Variants in APOL3 observed in about 807,000 individuals in gnomAD.
APOL3 encodes the protein TNF-inducible protein CG12-1.
A neutral mutation model predicts 11.6 loss-of-function variants in APOL3; 14 were observed. The ratio of observed to expected loss-of-function variants is 1.21; its 90% CI spans 0.80 to 1.89. The LOEUF (loss-of-function observed/expected upper bound fraction) is 1.89, where lower values mean the gene tolerates loss of function less well. Among genes scored for constraint, APOL3 ranks in the 40% most tolerant of loss-of-function variants. The probability of loss-of-function intolerance (pLI) is 0.00; values close to 1 mark genes in which losing one functional copy is unlikely to be tolerated. For missense variants in APOL3, 483 were observed against 492.1 expected (o/e 0.98, Z 0.17); for synonymous variants, 192 against 190.6 (o/e 1.01, Z -0.06).
upstream of APOL3, chr22:36,164,543 C>A (rs2013811595): frequency 6.6e-6 from 1 of 152,184 alleles, no homozygotes; most frequent in Admixed American, 6.5e-5. Context: ...CTATTTTCCA[C>A]CCAATTATGT....
chr22:36,153,393 C>T (rs2146847889), intron 1 of APOL3: 1 of 456,210 alleles, frequency 2.2e-6, no homozygotes, highest in South Asian at 1.5e-5. Flanking sequence ...ATGTCAGCTT[C>T]AGAGAAACCT....
intron 1 of APOL3, among the ~76,000 whole-genome samples, chr22:36,158,674 C>T (rs1453945948): frequency 5.3e-5 from 8 of 152,104 alleles, no homozygotes; most frequent in African/African-American, 1.9e-4. Context: ...TAAAAATTAG[C>T]CGGGCGTGGT....
At chr22:36,144,634 A>G (rs1346491303) in intron 2 of APOL3, among the ~76,000 whole-genome samples, 1 of 152,204 alleles carries the variant, frequency 6.6e-6, no homozygotes, top group African/African-American at 2.4e-5. Flanking sequence ...GGCCCCGGAC[A>G]GCATCTCCAG....
At chr22:36,143,817 G>A (rs1293321621) in intron 2 of APOL3, among the ~76,000 whole-genome samples, 2 of 152,212 alleles carry the variant, frequency 1.3e-5, no homozygotes, top group Non-Finnish European at 2.9e-5. Context: ...AATGCCATGT[G>A]CAATTTCATG....
At chr22:36,143,554 T>C (rs1291913763) in intron 2 of APOL3, among the ~76,000 whole-genome samples, 1 of 152,214 alleles carries the variant, frequency 6.6e-6, no homozygotes, top group Non-Finnish European at 1.5e-5. Flanking sequence ...CTGGAAGAGA[T>C]CACCTTGCCT....
intron 1 of APOL3, chr22:36,154,495 G>C: frequency 2.4e-6 from 1 of 409,240 alleles, no homozygotes; most frequent in South Asian, 1.9e-5. Flanking sequence ...TTAACAAGAA[G>C]AGCATCTTAA....
At chr22:36,148,583 A>C (rs968986763) in intron 1 of APOL3, among the ~76,000 whole-genome samples, 1 of 152,160 alleles carries the variant, frequency 6.6e-6, no homozygotes, top group African/African-American at 2.4e-5. Context: ...CTCAGAGCAG[A>C]GGGGCTGGTG....
intron 1 of APOL3, chr22:36,149,387 G>A: frequency 7.7e-7 from 1 of 1,306,006 alleles, no homozygotes. Context: ...GGGGTATGAA[G>A]AGAAGATAAT....
At chr22:36,147,437 G>T (rs942180644) in intron 1 of APOL3, among the ~76,000 whole-genome samples, 1 of 152,178 alleles carries the variant, frequency 6.6e-6, no homozygotes, top group Non-Finnish European at 1.5e-5. Context: ...TCTTGTTTCG[G>T]AGAGAGAGTT....
intron 1 of APOL3, chr22:36,154,623 A>G (rs1307589426): frequency 4.2e-6 from 2 of 471,126 alleles, no homozygotes; most frequent in Non-Finnish European, 8.8e-6. Flanking sequence ...GGGCTGTGTT[A>G]TTCTCCTATG....
In APOL3 at chr22:36,140,599, C is replaced by T. The variant is rs777187569; in HGVS notation, c.*601G>A. 8.4e-4 allele frequency: 128 copies of T among 152,892 alleles called. 1 individual carries two copies. The highest frequency in any genetic ancestry group is 1.7e-3 in the Non-Finnish European group (120 of 68,688). The allele number at this position is 152,892 out of a possible 1,614,324, so 9.5% of individuals were successfully genotyped here. A position where few individuals can be genotyped will look rare whatever the true frequency, so the allele number is the denominator to read the frequency against. ...GGGTTCAAGCAGGGGACATATACCC[C>T]TAAATAACCTAAAGGGGATCCATCA... On this transcript the variant is annotated 3_prime_UTR_variant, in exon 3 of 3. Transcript: ENST00000349314.
chr22:36,144,266 C>T (rs553653177), intron 2 of APOL3, among the ~76,000 whole-genome samples: 2 of 152,270 alleles, frequency 1.3e-5, no homozygotes, highest in South Asian at 4.2e-4. Flanking sequence ...CCTTGGTGCC[C>T]GAGCCTTCCT....
chr22:36,160,531 C>T (rs766181464), intron 1 of APOL3, 138 bp downstream of exon 1: 2 of 867,624 alleles, frequency 2.3e-6, no homozygotes, highest in African/African-American at 1.7e-5. Context: ...CAAATTCAGG[C>T]TCTGCCATGG....
At chr22:36,145,529 G>A in exon 2 of APOL3, 1 of 1,614,182 alleles carries the variant, frequency 6.2e-7, no homozygotes, top group Non-Finnish European at 8.5e-7. Flanking sequence ...TAGTCAGCAG[G>A]ATTTGCAGAT....
chr22:36,160,313 C>T (rs1431502298), intron 1 of APOL3, among the ~76,000 whole-genome samples: 1 of 152,216 alleles, frequency 6.6e-6, no homozygotes, highest in African/African-American at 2.4e-5. Flanking sequence ...TGTCCTCCAC[C>T]TTCTCTGGTT....
At chr22:36,149,277 A>G in intron 1 of APOL3, 135 bp from the exon 2 acceptor site, 1 of 1,305,476 alleles carries the variant, frequency 7.7e-7, no homozygotes, top group South Asian at 1.2e-5. Flanking sequence ...GTGTTTTTTA[A>G]TCTCCTGGGC....
exon 3 of APOL3, chr22:36,141,690 A>G (rs1348222580): frequency 6.2e-7 from 1 of 1,614,062 alleles, no homozygotes; most frequent in Admixed American, 1.7e-5. Flanking sequence ...TGAGTGCTCC[A>G]CGATGCTGGT....
At chr22:36,148,768 C>A (rs1399691615) in intron 1 of APOL3, among the ~76,000 whole-genome samples, 1 of 152,202 alleles carries the variant, frequency 6.6e-6, no homozygotes. Flanking sequence ...TCCACTTCCC[C>A]AAGGCTGTGG....
intron 1 of APOL3, among the ~76,000 whole-genome samples, chr22:36,147,727 G>T (rs913498768): frequency 6.6e-6 from 1 of 152,208 alleles, no homozygotes; most frequent in African/African-American, 2.4e-5. Flanking sequence ...AGGAAACCAG[G>T]GTTGGATGGA....
Sources: gnomAD v4.1 joint callset for allele counts (sites outside exome capture counted in the v4.1 genomes callset) on GRCh38, gnomAD v4.1.1 for gene constraint, MANE v1.5 for transcripts, NCBI Gene and HGNC (gene_info 2026-07-23, HGNC 2026-07-21) for gene names.